Variants in DNMT3A observed in about 807,000 individuals in gnomAD.
DNMT3A encodes DNA (cytosine-5)-methyltransferase 3A.
A neutral mutation model predicts 117.6 loss-of-function variants in DNMT3A; 267 were observed. The ratio of observed to expected loss-of-function variants is 2.27; its 90% confidence interval spans 2.05 to 2.51. The LOEUF (loss-of-function observed/expected upper bound fraction) is 2.51. DNMT3A is among the 30% of genes most tolerant of loss of function. The pLI, the probability that DNMT3A is intolerant of heterozygous loss-of-function variation, is 0.00. For synonymous variants in DNMT3A, 432 were observed against 474.8 expected, an observed-to-expected ratio of 0.91 and a Z score of 1.17; for missense variants, 1,029 against 1,260.2, an observed-to-expected ratio of 0.82 and a Z score of 2.78.
At chr2:25,245,110 C>G in intron 13 of DNMT3A, 143 bp downstream of exon 13, 1 of 726,320 alleles carries the variant, frequency 1.4e-6, no homozygotes, top group Non-Finnish European at 2.3e-6. Context: ...CATCAGGACT[C>G]TGCTTCCAGA....
chr2:25,266,911 CT>C (rs1481621227), intron 6 of DNMT3A, among the ~76,000 whole-genome samples: 1 of 152,172 alleles, frequency 6.6e-6, no homozygotes, highest in Non-Finnish European at 1.5e-5. Context: ...AGGCCTTTTT[CT>C]TTCTAGGTAT....
At position 25,246,603 on chromosome 2, in the gene DNMT3A, T is replaced by G; in HGVS notation, c.1279+17A>C. 6.2e-6 allele frequency: 10 copies of G among 1,601,056 alleles called. No homozygotes were observed. Among genetic ancestry groups the G allele is most frequent in the Non-Finnish European group, 8.5e-6 (10 of 1,172,156 alleles). On this transcript the variant is annotated intron_variant, in intron 10 of 22. Coordinates refer to ENST00000321117, the MANE Select transcript of DNMT3A (RefSeq NM_022552.5). ...CTGGCGGGCAGGGGTCCCAGAAAGC[T>G]GGGTGCCCTCATTTACCTTCTGGTG...
chr2:25,300,600 T>TATATCTAAATAATATATTATTTAG lies in DNMT3A; in HGVS notation c.73-381_73-358dup, dbSNP rs67680360. ...CTATAAAAATACCCACACCCATATA[T>TATATCTAAATAATATATTATTTAG]ATATCTAAATAATATATTATTTAGA... is the stretch of plus-strand genomic sequence containing the variant. On this transcript the variant is annotated intron_variant, in intron 2 of 22. Coordinates refer to ENST00000321117, the MANE Select transcript of DNMT3A (RefSeq NM_022552.5). Among the ~76,000 whole-genome samples the TATATCTAAATAATATATTATTTAG allele has an allele frequency of 1.7e-3, 88 of 52,260 alleles. 1 individual carries two copies. The highest frequency in any genetic ancestry group is 5.5e-3 in the African/African-American group (79 of 14,450). 34.3% of individuals were successfully genotyped at this position (52,260 alleles called of 152,430 possible). A position where few individuals can be genotyped will look rare whatever the true frequency, so the allele number is the denominator to read the frequency against.
chr2:25,259,222 T>A (rs1676406339), intron 6 of DNMT3A, among the ~76,000 whole-genome samples: 1 of 152,236 alleles, frequency 6.6e-6, no homozygotes, highest in Non-Finnish European at 1.5e-5. Flanking sequence ...TCCTGCTCAC[T>A]TCCACCCGCT....
Position 25,244,333 on chromosome 2 carries a change from A to G in DNMT3A, c.1673T>C (p.Phe558Ser). 6.2e-7 allele frequency: 1 copy of G among 1,602,972 alleles called. No homozygotes were observed. Among genetic ancestry groups the G allele is most frequent in the Non-Finnish European group, 8.5e-7 (1 of 1,175,064 alleles). Reference protein sequence around the residue: ...MCGNNNCCRCFCVECVDLLVG... With the variant: ...MCGNNNCCRCSCVECVDLLVG... ...CAAGAGGTCCACACACTCCACGCAA[A>G]AGCACCTGGAAGGAGACCCAGTGAG... Residue 558 changes from phenylalanine to serine, a missense_variant, in exon 15 of 23, where the codon TTT (phenylalanine) becomes TCT (serine). Coordinates refer to ENST00000321117, the MANE Select transcript of DNMT3A (RefSeq NM_022552.5).
intron 3 of DNMT3A, among the ~76,000 whole-genome samples, chr2:25,283,695 T>C (rs1279871062): frequency 1.3e-5 from 2 of 152,158 alleles, no homozygotes; most frequent in African/African-American, 4.8e-5. Context: ...AGCACTGGGG[T>C]CTCTCATTCT....
chr2:25,283,404 C>G (rs2032045112), intron 3 of DNMT3A, among the ~76,000 whole-genome samples: 1 of 149,792 alleles, frequency 6.7e-6, no homozygotes, highest in South Asian at 2.1e-4. Context: ...CACCCATAAT[C>G]CAATAAGACC....
intron 13 of DNMT3A, 102 bp downstream of exon 13, chr2:25,245,151 C>A (rs1674588300): frequency 9.0e-7 from 1 of 1,108,376 alleles, no homozygotes; most frequent in Non-Finnish European, 1.3e-6. Flanking sequence ...CACACGCACA[C>A]CGGGTGTCAC....
rs142082647 is a variant in DNMT3A, at chr2:25,286,548, G to T, written c.178-3837C>A. On this transcript the variant is annotated intron_variant, in intron 3 of 22. Transcript: ENST00000321117. The surrounding 1 kb of genome is among the most constrained non-coding windows in gnomAD (Gnocchi z 4.3). ...GATTCAGCCAAAGTTCTGGGATTTG[G>T]GGGGGAGGGCAATGACTTCTGCCAC... is the stretch of plus-strand genomic sequence containing the variant. Among the ~76,000 whole-genome samples the T allele has an allele frequency of 3.8e-4, 58 of 152,290 alleles. No individual in the cohort carries two copies. The highest frequency in any genetic ancestry group is 6.0e-4 in the African/African-American group (25 of 41,556).
At chr2:25,253,811 C>A (rs1034815949) in intron 6 of DNMT3A, among the ~76,000 whole-genome samples, 1 of 152,216 alleles carries the variant, frequency 6.6e-6, no homozygotes, top group Non-Finnish European at 1.5e-5. Context: ...CGGTGGCTCA[C>A]GCCTATAATC....
rs754459010 is a variant in DNMT3A, at chr2:25,246,764, G to A, written c.1135C>T (p.Arg379Cys). The A allele has an allele frequency of 6.8e-6, 11 of 1,613,456 alleles. No homozygotes were observed. Among genetic ancestry groups the A allele is most frequent in the Admixed American group, 3.3e-5 (2 of 60,018 alleles). ...CACACCGGGAACAGCTTCCCCGCGCGGCTGCTGGCCACCTGGAGGGTGACA... is the reference window on the plus strand; with the variant it reads ...CACACCGGGAACAGCTTCCCCGCGCAGCTGCTGGCCACCTGGAGGGTGACA... ...IYEVLQVASS[R>C]AGKLFPVCHD... The change falls in exon 10 of 23, where the codon CGC becomes TGC. Residue 379 changes from arginine (R) to cysteine (C), a missense_variant. Transcript: ENST00000321117.
chr2:25,242,003 G>A (rs894862066), intron 16 of DNMT3A: 1 of 418,548 alleles, frequency 2.4e-6, no homozygotes, highest in African/African-American at 2.1e-5. Flanking sequence ...TGACTTTTTG[G>A]GGGCCTTTTC....
At chr2:25,329,929 A>C (rs565513407) in intron 1 of DNMT3A, among the ~76,000 whole-genome samples, 1 of 152,374 alleles carries the variant, frequency 6.6e-6, no homozygotes, top group South Asian at 2.1e-4. Flanking sequence ...GCATTTGGAA[A>C]CCAGCTTGGG....
At chr2:25,276,648 G>T (rs534460747) in intron 4 of DNMT3A, among the ~76,000 whole-genome samples, 9 of 152,330 alleles carry the variant, frequency 5.9e-5, no homozygotes, top group East Asian at 3.9e-4. Context: ...CCCGGAGGCT[G>T]CGGGGCTGGC....
At chr2:25,291,519 G>A (rs1023357027) in intron 3 of DNMT3A, among the ~76,000 whole-genome samples, 1 of 152,254 alleles carries the variant, frequency 6.6e-6, no homozygotes, top group African/African-American at 2.4e-5. Context: ...CTAGGACCCT[G>A]ACTCCTCCAA....
At position 25,336,468 on chromosome 2, in the gene DNMT3A, C is replaced by T. The variant is rs559591450; in HGVS notation, c.-178+5358G>A. 9.9e-5 allele frequency among the ~76,000 whole-genome samples: 15 copies of T among 152,284 alleles called. No homozygotes were observed. In the South Asian group the frequency reaches 1.2e-3, roughly 13 times the overall value. On this transcript the variant is annotated intron_variant, in intron 1 of 22. Coordinates refer to ENST00000321117, the MANE Select transcript of DNMT3A (RefSeq NM_022552.5). ...TCACTCGCTCGCAGACCAGACCTGACCCTGGCCTCCCCCTTAATCGTCACA... is the reference window on the plus strand; with the variant it reads ...TCACTCGCTCGCAGACCAGACCTGATCCTGGCCTCCCCCTTAATCGTCACA...
In DNMT3A at chr2:25,246,279, G is replaced by A. The variant is rs370379375; in HGVS notation, c.1310C>T (p.Thr437Met). ...TGCCTCAGGTTCCACCCACATGTCC[G>A]TGTACACTTCTTTGTAGGGATTCTT... ...EEKNPYKEVY[T>M]DMWVEPEAAA... is the part of the protein sequence containing the mutation. Residue 437 changes from threonine (T) to methionine (M), a missense_variant, in exon 11 of 23, where the codon ACG becomes ATG. Coordinates refer to ENST00000321117, the MANE Select transcript of DNMT3A (RefSeq NM_022552.5). 2.2e-5 allele frequency: 36 copies of A among 1,612,960 alleles called. No homozygotes were observed. The highest frequency in any genetic ancestry group is 6.6e-5 in the South Asian group (6 of 90,916).
chr2:25,271,203 CG>C (rs1453690570), intron 6 of DNMT3A, among the ~76,000 whole-genome samples: 1 of 151,860 alleles, frequency 6.6e-6, no homozygotes, highest in Non-Finnish European at 1.5e-5. Context: ...AAAAGTTAGC[CG>C]GGTGTGTCAG....
rs1175186554 is a variant in DNMT3A at position 25,264,132 on chromosome 2, G to GTTTTTTTTTTTTTTTTTTT, written c.639+10790_639+10808dup. 2.2e-4 allele frequency among the ~76,000 whole-genome samples: 16 copies of GTTTTTTTTTTTTTTTTTTT among 73,758 alleles called. 2 individuals are homozygous for GTTTTTTTTTTTTTTTTTTT. Among genetic ancestry groups the GTTTTTTTTTTTTTTTTTTT allele is most frequent in the East Asian group, 5.1e-4 (1 of 1,980 alleles). 48.4% of individuals were successfully genotyped at this position (73,758 alleles called of 152,430 possible). A position where few individuals can be genotyped will look rare whatever the true frequency, so the allele number is the denominator to read the frequency against. On this transcript the variant is annotated intron_variant, in intron 6 of 22. Transcript: ENST00000321117. ...TCAGTAAAGGCTGGACAACCCTTTG[G>GTTTTTTTTTTTTTTTTTTT]TTTTTTTTTTTTTTTTTTTTTTTTT...
Sources: gnomAD v4.1 joint callset for allele counts (sites outside exome capture counted in the v4.1 genomes callset) on GRCh38, gnomAD v4.1.1 for gene constraint, Gnocchi (gnomAD v3.1) non-coding constraint, MANE v1.5 for transcripts, NCBI Gene and HGNC (gene_info 2026-07-23, HGNC 2026-07-21) for gene names.